Variants in RGS10 observed in about 807,000 individuals in gnomAD.
The protein encoded by RGS10 is regulator of G-protein signalling 10.
In RGS10, 11 loss-of-function variants were observed where a neutral mutation model predicts 23.5. That is an observed-to-expected ratio of 0.47 (90% CI 0.29 to 0.77). The LOEUF (loss-of-function observed/expected upper bound fraction) is 0.77, where lower values mean the gene tolerates loss of function less well. Among genes scored for constraint, RGS10 ranks in the 30% least tolerant of loss-of-function variants. RGS10 has a pLI of 0.08. For synonymous variants in RGS10, 77 were observed against 83.2 expected (o/e 0.92, Z 0.41); for missense variants, 180 against 226.3 (o/e 0.80, Z 1.31).
intron 4 of RGS10, among the ~76,000 whole-genome samples, chr10:119,501,102 C>T (rs1265086238): frequency 6.6e-6 from 1 of 152,186 alleles, no homozygotes; most frequent in Non-Finnish European, 1.5e-5. Flanking sequence ...CCCACTGCTA[C>T]CCAATCCTGT....
rs1844290395 is a variant in RGS10 at position 119,527,540 on chromosome 10, C to A, written c.50-116G>T. 1 of 770,370 alleles carries A rather than the reference C, an allele frequency of 1.3e-6. No homozygotes were observed. The highest frequency in any genetic ancestry group is 2.3e-6 in the Non-Finnish European group (1 of 440,754). 47.7% of individuals were successfully genotyped at this position (770,370 alleles called of 1,614,324 possible). On this transcript the variant is annotated intron_variant, in intron 1 of 4. Transcript: ENST00000369103. This position sits in a 1 kb window ranked among gnomAD's most constrained non-coding sequence, Gnocchi z 4.2. ...CACGGCTGACATACACCGACTTATGCGTCAGGCTCTGTTCTAGGTGCTTAA... is the reference window on the plus strand; with the variant it reads ...CACGGCTGACATACACCGACTTATGAGTCAGGCTCTGTTCTAGGTGCTTAA...
chr10:119,513,003 G>GA (rs1196237823), intron 4 of RGS10, among the ~76,000 whole-genome samples: 3 of 152,114 alleles, frequency 2.0e-5, no homozygotes, highest in African/African-American at 7.2e-5. Context: ...TGTATTTATA[G>GA]AAAAAAAGAT....
In RGS10 at chr10:119,527,593, C is replaced by T. The variant is rs1844290976; in HGVS notation, c.50-169G>A. The T allele has an allele frequency of 1.6e-6, 1 of 608,244 alleles. No individual in the cohort carries two copies. The highest frequency in any genetic ancestry group is 2.9e-6 in the Non-Finnish European group (1 of 339,352). 37.7% of individuals were successfully genotyped at this position (608,244 alleles called of 1,614,324 possible). On this transcript the variant is annotated intron_variant, in intron 1 of 4. Transcript: ENST00000369103. This position sits in a 1 kb window ranked among gnomAD's most constrained non-coding sequence, Gnocchi z 4.2. ...TGATGGACTCATTCTTGTCACACAACCCTGTAAGGCAGGCACTACTATTTC... is the reference window on the plus strand; with the variant it reads ...TGATGGACTCATTCTTGTCACACAATCCTGTAAGGCAGGCACTACTATTTC...
chr10:119,504,805 T>C (rs1021353833), intron 4 of RGS10, among the ~76,000 whole-genome samples: 2 of 152,078 alleles, frequency 1.3e-5, no homozygotes, highest in Non-Finnish European at 2.9e-5. Flanking sequence ...CAGCAGTCTG[T>C]AAGCTGAAGG....
At chr10:119,515,781 G>T in intron 3 of RGS10, 129 bp from the exon 4 acceptor site, 1 of 1,054,484 alleles carries the variant, frequency 9.5e-7, no homozygotes. Flanking sequence ...ACAGCCCAGG[G>T]GCTCTCAGGC....
In RGS10 at chr10:119,524,405, G is replaced by A. The variant is rs1418537666; in HGVS notation, c.255+1627C>T. ...CTTGTCTACACTGCAGGGGCGGACC[G>A]GCCCACCCACAGGCCCCTCCTACCT... On this transcript the variant is annotated intron_variant, in intron 3 of 4. Coordinates refer to ENST00000369103, the MANE Select transcript of RGS10 (RefSeq NM_001005339.2). This position sits in a 1 kb window ranked among gnomAD's most constrained non-coding sequence, Gnocchi z 5.2. Among the ~76,000 whole-genome samples, 1 of 152,122 alleles carries A rather than the reference G, an allele frequency of 6.6e-6. No homozygotes were observed. The highest frequency in any genetic ancestry group is 1.5e-5 in the Non-Finnish European group (1 of 68,026).
At chr10:119,541,554 G>C (rs1460191053) in intron 1 of RGS10, among the ~76,000 whole-genome samples, 4 of 152,202 alleles carry the variant, frequency 2.6e-5, no homozygotes, top group African/African-American at 9.7e-5. Flanking sequence ...GATCCAGCCA[G>C]TCTGGTCCCA....
chr10:119,531,969 T>C (rs1449982772), intron 1 of RGS10, among the ~76,000 whole-genome samples: 4 of 152,222 alleles, frequency 2.6e-5, no homozygotes, highest in African/African-American at 9.6e-5. Flanking sequence ...CTGCTTTTTA[T>C]AGCCATGGGT....
rs1844254538 is a variant in RGS10, at chr10:119,524,753, C to T, written c.255+1279G>A. ...AGCCAGAAAGCAAAATCCAAGGGTC[C>T]CGCCCAGTAACAGCTTTCGAGGTGG... On this transcript the variant is annotated intron_variant, in intron 3 of 4. Coordinates refer to ENST00000369103, the MANE Select transcript of RGS10 (RefSeq NM_001005339.2). The surrounding 1 kb of genome is among the most constrained non-coding windows in gnomAD (Gnocchi z 5.2). Among the ~76,000 whole-genome samples, 1 of 152,138 alleles carries T rather than the reference C, an allele frequency of 6.6e-6. No individual in the cohort carries two copies. The highest frequency in any genetic ancestry group is 2.1e-4 in the South Asian group (1 of 4,820).
At chr10:119,536,549 A>T in intron 1 of RGS10, 1 of 1,582,292 alleles carries the variant, frequency 6.3e-7, no homozygotes, top group Non-Finnish European at 8.6e-7. Flanking sequence ...TGAGAAAGGC[A>T]GAGACTGGAG....
Position 119,517,796 on chromosome 10 carries a change from A to C in RGS10, c.256-2144T>G, listed in dbSNP as rs911500850. 2.6e-5 allele frequency among the ~76,000 whole-genome samples: 4 copies of C among 152,230 alleles called. No homozygotes were observed. The highest frequency in any genetic ancestry group is 9.6e-5 in the African/African-American group (4 of 41,468). The stretch of plus-strand genomic sequence containing the variant: ...TTGAGTCTTTGAGGTGGGGCAGAAG[A>C]GGCCGGGGGAGAGGAAGTAGGTTCC... On this transcript the variant is annotated intron_variant, in intron 3 of 4. Transcript: ENST00000369103. The surrounding 1 kb of genome is among the most constrained non-coding windows in gnomAD (Gnocchi z 5.0).
At chr10:119,503,787 G>A (rs1843978818) in intron 4 of RGS10, among the ~76,000 whole-genome samples, 1 of 152,168 alleles carries the variant, frequency 6.6e-6, no homozygotes. Context: ...GGTCTCCCCG[G>A]TGCACGTGTG....
At chr10:119,541,109 C>T (rs1462895238) in intron 1 of RGS10, among the ~76,000 whole-genome samples, 1 of 152,244 alleles carries the variant, frequency 6.6e-6, no homozygotes, top group Non-Finnish European at 1.5e-5. Flanking sequence ...AGCTCCAGCA[C>T]ATCACTGAAA....
At chr10:119,537,382 CAA>C (rs56219523) in intron 1 of RGS10, among the ~76,000 whole-genome samples, 1 of 131,350 alleles carries the variant, frequency 7.6e-6, no homozygotes, top group Non-Finnish European at 1.6e-5. Context: ...AACTCCGTCT[CAA>C]AAAAAAAAAA....
At chr10:119,504,090 G>C (rs928412536) in intron 4 of RGS10, among the ~76,000 whole-genome samples, 10 of 152,232 alleles carry the variant, frequency 6.6e-5, no homozygotes, top group African/African-American at 2.4e-4. Context: ...TGCAAAGAGA[G>C]TAACATGGAA....
Position 119,517,979 on chromosome 10 carries a change from T to C in RGS10, c.256-2327A>G, listed in dbSNP as rs1044313564. Among the ~76,000 whole-genome samples, 4 of 151,478 alleles carry C rather than the reference T, an allele frequency of 2.6e-5. No individual in the cohort carries two copies. The highest frequency in any genetic ancestry group is 2.6e-4 in the Admixed American group (4 of 15,198). On this transcript the variant is annotated intron_variant, in intron 3 of 4. Coordinates refer to ENST00000369103, the MANE Select transcript of RGS10 (RefSeq NM_001005339.2). This position sits in a 1 kb window ranked among gnomAD's most constrained non-coding sequence, Gnocchi z 5.0. Reference sequence around the variant, plus strand: ...AGGGCTCAGCTTATCTCGGCGGAGCTAGGAAGTATGACTGAAAAGGGAAAC... The same window carrying C: ...AGGGCTCAGCTTATCTCGGCGGAGCCAGGAAGTATGACTGAAAAGGGAAAC...
intron 1 of RGS10, among the ~76,000 whole-genome samples, chr10:119,531,569 A>T (rs930209083): frequency 1.4e-4 from 22 of 152,202 alleles, no homozygotes; most frequent in African/African-American, 4.1e-4. Flanking sequence ...TTATGTGTTC[A>T]AATGTGTTTT....
At chr10:119,505,941 T>C (rs1179065604) in intron 4 of RGS10, among the ~76,000 whole-genome samples, 1 of 152,224 alleles carries the variant, frequency 6.6e-6, no homozygotes, top group Non-Finnish European at 1.5e-5. Context: ...AAAGTTTAAT[T>C]AGCGGGATAT....
chr10:119,536,587 A>T (rs1791433011), intron 1 of RGS10: 1 of 1,353,840 alleles, frequency 7.4e-7, no homozygotes, highest in Admixed American at 2.3e-5. Flanking sequence ...GGGTCCGAAG[A>T]AAAAACAAGC....
Sources: allele counts gnomAD v4.1 joint callset (sites outside exome capture counted in the v4.1 genomes callset), GRCh38; gene constraint gnomAD v4.1.1; non-coding constraint Gnocchi (gnomAD v3.1); transcripts MANE v1.5; gene names NCBI Gene and HGNC (gene_info 2026-07-23, HGNC 2026-07-21).